The following GRK4 variants were observed in gnomAD, a reference collection of about 807,000 sequenced individuals.
GRK4 encodes G protein-coupled receptor kinase 2-like.
GRK4 carries 73 observed loss-of-function variants against 77.9 expected under a neutral mutation model. The ratio of observed to expected loss-of-function variants is 0.94; its 90% confidence interval spans 0.78 to 1.14. The LOEUF (loss-of-function observed/expected upper bound fraction) is 1.14. Ranked by LOEUF, GRK4 falls within the 50% of genes most tolerant of loss-of-function variation. The pLI, the probability that GRK4 is intolerant of heterozygous loss-of-function variation, is 0.00. For missense variants in GRK4, 729 were observed against 700.2 expected (o/e 1.04, Z -0.46); for synonymous variants, 257 against 254.4 (o/e 1.01, Z -0.10).
chr4:2,986,563 C>T lies in GRK4; in HGVS notation c.148+1955C>T, dbSNP rs549303037. ...TAGAGACTGGGTTTCACCAGGTTGG[C>T]CAGGATGGTCTCAATTTCTTGCCCT... is the stretch of plus-strand genomic sequence containing the variant. On this transcript the variant is annotated intron_variant, in intron 2 of 15. Coordinates refer to ENST00000398052, the MANE Select transcript of GRK4 (RefSeq NM_182982.3). 1.3e-4 allele frequency among the ~76,000 whole-genome samples: 20 copies of T among 151,840 alleles called. No individual in the cohort carries two copies. In the South Asian group the frequency reaches 2.5e-3, roughly 19 times the overall value.
intron 4 of GRK4, among the ~76,000 whole-genome samples, chr4:3,000,155 TA>T (rs1487773239): frequency 6.6e-6 from 1 of 152,186 alleles, no homozygotes; most frequent in East Asian, 1.9e-4. Context: ...ATCCTTAATG[TA>T]AAGCCCCAGA....
intron 12 of GRK4, among the ~76,000 whole-genome samples, chr4:3,030,263 G>C (rs1738775858): frequency 6.6e-6 from 1 of 152,144 alleles, no homozygotes; most frequent in Non-Finnish European, 1.5e-5. Context: ...GCCCCAAGCG[G>C]TGGAGACCTG....
chr4:3,034,118 C>T (rs1739924862), intron 12 of GRK4, among the ~76,000 whole-genome samples: 1 of 152,056 alleles, frequency 6.6e-6, no homozygotes, highest in Admixed American at 6.5e-5. Context: ...TCCCCTCAGG[C>T]TGTGGCAAAA....
chr4:3,021,144 C>T (rs559985447), intron 9 of GRK4, among the ~76,000 whole-genome samples: 2 of 152,306 alleles, frequency 1.3e-5, no homozygotes, highest in East Asian at 1.9e-4. Flanking sequence ...ACAGAGCCCT[C>T]CAGCCTTGGG....
At chr4:3,036,203 G>C (rs923787054) in intron 13 of GRK4, among the ~76,000 whole-genome samples, 1 of 152,174 alleles carries the variant, frequency 6.6e-6, no homozygotes, top group Non-Finnish European at 1.5e-5. Flanking sequence ...TGCTTCCTTT[G>C]TCTGGAACGC....
chr4:3,028,122 C>T lies in GRK4; in HGVS notation c.1060+121C>T, dbSNP rs1738110464. 11 of 794,964 alleles carry T rather than the reference C, an allele frequency of 1.4e-5. 1 individual carries two copies. In the South Asian group the frequency reaches 1.7e-4, roughly 12 times the overall value. 49.2% of individuals were successfully genotyped at this position (794,964 alleles called of 1,614,324 possible). A position where few individuals can be genotyped will look rare whatever the true frequency, so the allele number is the denominator to read the frequency against. On this transcript the variant is annotated intron_variant, in intron 11 of 15. Coordinates refer to ENST00000398052, the MANE Select transcript of GRK4 (RefSeq NM_182982.3). ...GGTTTGGACACACTAGTAGATGGCG[C>T]AGTGGTGTTTTGAATCTCTAACCTG...
intron 4 of GRK4, among the ~76,000 whole-genome samples, chr4:2,992,520 A>C (rs1164474754): frequency 6.6e-6 from 1 of 152,060 alleles, no homozygotes; most frequent in Admixed American, 6.6e-5. Flanking sequence ...TCTACAAAAA[A>C]ATAAACAAAA....
intron 5 of GRK4, among the ~76,000 whole-genome samples, chr4:3,005,395 G>A (rs773421265): frequency 1.3e-5 from 2 of 151,860 alleles, no homozygotes; most frequent in African/African-American, 2.4e-5. Flanking sequence ...GAGATGAGCC[G>A]GCGAGGCCGT....
chr4:3,023,295 A>C (rs1000840040), intron 10 of GRK4, among the ~76,000 whole-genome samples: 1 of 152,188 alleles, frequency 6.6e-6, no homozygotes, highest in African/African-American at 2.4e-5. Context: ...GGATGGTTGC[A>C]CTGCTGGGGA....
At chr4:3,013,200 T>A (rs1180236718) in intron 7 of GRK4, among the ~76,000 whole-genome samples, 3 of 151,402 alleles carry the variant, frequency 2.0e-5, no homozygotes, top group Non-Finnish European at 4.4e-5. Context: ...CCCGCCACCA[T>A]GCCTAGTTAA....
chr4:3,020,126 C>G (rs1027121214), intron 9 of GRK4, among the ~76,000 whole-genome samples: 1 of 152,138 alleles, frequency 6.6e-6, no homozygotes, highest in African/African-American at 2.4e-5. Context: ...GCCTCAGACT[C>G]CCAAGTAGCT....
Position 2,995,150 on chromosome 4 carries a change from A to G in GRK4, c.339+2858A>G, listed in dbSNP as rs575191726. The stretch of plus-strand genomic sequence containing the variant: ...ACGGCTGCATAGTATTCCATAGTGT[A>G]TATGTACCCCATTTTCTTTATCCGG... On this transcript the variant is annotated intron_variant, in intron 4 of 15. Transcript: ENST00000398052. Among the ~76,000 whole-genome samples the G allele has an allele frequency of 2.2e-4, 34 of 152,252 alleles. 1 individual carries two copies. The South Asian group carries it at 6.6e-3, about 30-fold the overall frequency.
At chr4:2,965,214 C>T in intron 1 of GRK4, 1 of 695,100 alleles carries the variant, frequency 1.4e-6, no homozygotes, top group Non-Finnish European at 2.6e-6. Context: ...TAAATATCCT[C>T]CTGTTTTCAC....
intron 1 of GRK4, among the ~76,000 whole-genome samples, chr4:2,973,307 C>T (rs981366274): frequency 3.9e-5 from 6 of 152,200 alleles, no homozygotes; most frequent in Non-Finnish European, 7.3e-5. Flanking sequence ...AAATGCCCCC[C>T]GTCTTTGTCC....
intron 12 of GRK4, among the ~76,000 whole-genome samples, chr4:3,032,418 G>A (rs375098292): frequency 2.6e-5 from 4 of 152,114 alleles, no homozygotes; most frequent in Non-Finnish European, 4.4e-5. Flanking sequence ...GCATGACTCC[G>A]TCTCAAAAAA....
At chr4:2,999,257 G>A (rs143823942) in intron 4 of GRK4, among the ~76,000 whole-genome samples, 2 of 152,306 alleles carry the variant, frequency 1.3e-5, no homozygotes, top group African/African-American at 2.4e-5. Flanking sequence ...TGGGTGGGGA[G>A]TGGTGGAAGG....
chr4:3,008,468 C>T (rs1282866624), intron 6 of GRK4, among the ~76,000 whole-genome samples: 1 of 152,190 alleles, frequency 6.6e-6, no homozygotes, highest in Admixed American at 6.5e-5. Context: ...GTGTACAACG[C>T]TTATAGCACA....
intron 4 of GRK4, among the ~76,000 whole-genome samples, chr4:2,995,155 TA>T (rs1727415399): frequency 6.6e-6 from 1 of 152,236 alleles, no homozygotes. Context: ...AGTGTATATG[TA>T]CCCCATTTTC....
Position 3,038,435 on chromosome 4 carries a change from A to C in GRK4, c.1605A>C (p.Pro535=). 1.2e-6 allele frequency: 2 copies of C among 1,614,206 alleles called. No homozygotes were observed. The highest frequency in any genetic ancestry group is 1.7e-6 in the Non-Finnish European group (2 of 1,180,010). The part of the protein sequence containing the change: ...INKSESEEAL[P]LDLDKNIHTP... ...AAAGTGAAAGTGAGGAAGCTTTGCC[A>C]TTAGATCTAGACAAGAACATACATA... The change falls in exon 15 of 16, where the codon CCA becomes CCC. Residue 535 remains proline, a synonymous_variant. Coordinates refer to ENST00000398052, the MANE Select transcript of GRK4 (RefSeq NM_182982.3).
Sources: allele counts gnomAD v4.1 joint callset (sites outside exome capture counted in the v4.1 genomes callset), GRCh38; gene constraint gnomAD v4.1.1; transcripts MANE v1.5; gene names NCBI Gene and HGNC (gene_info 2026-07-23, HGNC 2026-07-21).